FBXO42: variants seen among roughly 807,000 people sequenced by gnomAD.
The protein encoded by FBXO42 is F-box only protein 42.
A neutral mutation model predicts 71.7 loss-of-function variants in FBXO42; 12 were observed. That is an observed-to-expected ratio of 0.17 (90% CI 0.11 to 0.27). FBXO42 has a LOEUF of 0.27. Ranked by LOEUF, FBXO42 falls within the 10% of genes least tolerant of loss-of-function variation. The pLI is 1.00. For synonymous variants in FBXO42, 325 were observed against 327.5 expected (o/e 0.99, Z 0.08); for missense variants, 707 against 911.9 (o/e 0.78, Z 2.89).
At chr1:16,307,545 A>G (rs2082264794) in intron 2 of FBXO42, among the ~76,000 whole-genome samples, 1 of 152,052 alleles carries the variant, frequency 6.6e-6, no homozygotes, top group Non-Finnish European at 1.5e-5. Context: ...AGACGAACAT[A>G]TAACAATGGA....
Position 16,251,623 on chromosome 1 carries a change from C to T in FBXO42, c.1201G>A (p.Ala401Thr), listed in dbSNP as rs2081592896. 1 of 1,614,098 alleles carries T rather than the reference C, an allele frequency of 6.2e-7. No individual in the cohort carries two copies. Among genetic ancestry groups the T allele is most frequent in the African/African-American group, 1.3e-5 (1 of 74,946 alleles). Reference protein sequence around the residue: ...SQSPVRSMDEAPCVNGRWGTL... With the variant: ...SQSPVRSMDETPCVNGRWGTL... ...CCCCAGCGGCCGTTAACACAAGGAG[C>T]TTCATCCATGCTTCTTACTGGAGAC... Residue 401 changes from alanine (A) to threonine (T), a missense_variant, in exon 10 of 10, where the codon GCT becomes ACT. Physicochemically the swap from Ala to Thr is moderately conservative, Grantham distance 58. Around this residue, in one of 5 missense-constraint regions of FBXO42, gnomAD observed 482 missense variants for 587.1 expected, o/e 0.82. Transcript: ENST00000375592. This position sits in a 1 kb window ranked among gnomAD's most constrained non-coding sequence, Gnocchi z 4.5.
intron 1 of FBXO42, among the ~76,000 whole-genome samples, chr1:16,337,791 G>A (rs1229682922): frequency 7.1e-6 from 1 of 141,144 alleles, no homozygotes; most frequent in Non-Finnish European, 1.5e-5. Flanking sequence ...GGCTGAGGCA[G>A]AAGAATTGCT....
chr1:16,327,356 C>T (rs567097136), intron 1 of FBXO42, among the ~76,000 whole-genome samples: 5 of 152,174 alleles, frequency 3.3e-5, no homozygotes, highest in Admixed American at 1.3e-4. Context: ...TCTTCACTGA[C>T]GAATTAACTG....
intron 2 of FBXO42, among the ~76,000 whole-genome samples, chr1:16,308,169 T>TG (rs1412717497): frequency 1.3e-5 from 2 of 151,912 alleles, no homozygotes; most frequent in African/African-American, 4.8e-5. Context: ...TTAATAGAGG[T>TG]GGGGTCTCAC....
intron 1 of FBXO42, among the ~76,000 whole-genome samples, chr1:16,335,063 C>CAAAAAAAAAAAAAAAA (rs55983316): frequency 2.9e-5 from 2 of 68,990 alleles, no homozygotes; most frequent in Non-Finnish European, 5.1e-5. Flanking sequence ...CTCGTCTGTA[C>CAAAAAAAAAAAAAAAA]AAAAAAAAAA....
chr1:16,306,150 T>C (rs1267719658), intron 2 of FBXO42, among the ~76,000 whole-genome samples: 2 of 151,948 alleles, frequency 1.3e-5, no homozygotes, highest in African/African-American at 4.8e-5. Context: ...GCCTCCCGAG[T>C]AGCTGGGATT....
intron 4 of FBXO42, among the ~76,000 whole-genome samples, chr1:16,263,380 T>C (rs984530030): frequency 2.0e-5 from 3 of 151,838 alleles, no homozygotes; most frequent in Non-Finnish European, 2.9e-5. Flanking sequence ...CCCGCCAAGC[T>C]TGCATTGAGC....
intron 1 of FBXO42, among the ~76,000 whole-genome samples, chr1:16,344,975 T>C (rs904748735): frequency 1.3e-5 from 2 of 151,150 alleles, no homozygotes; most frequent in Admixed American, 6.6e-5. Context: ...GGTGGGCACC[T>C]GTAATCCTAG....
chr1:16,253,724 C>G lies in FBXO42; in HGVS notation c.775G>C (p.Asp259His). ...TGCTCAAGGTCAAGGACCCAGACAT[C>G]ATTGCTCCTGTGAATTAAGGACAGA... ...GSLGSRQMSN[D>H]VWVLDLEQWA... The change falls in exon 7 of 10, where the codon GAT becomes CAT. Residue 259 changes from aspartate to histidine, a missense_variant. Asp to His is a moderately conservative substitution (Grantham distance 81). This residue lies in a region of FBXO42 where 482 missense variants were observed against 587.1 expected (regional missense o/e 0.82). Transcript: ENST00000375592. The G allele has an allele frequency of 6.2e-7, 1 of 1,614,180 alleles. No homozygotes were observed. The highest frequency in any genetic ancestry group is 2.2e-5 in the East Asian group (1 of 44,892).
In FBXO42 at chr1:16,251,470, C is replaced by T. The variant is rs2081591188; in HGVS notation, c.1354G>A (p.Gly452Ser). 6.2e-7 allele frequency: 1 copy of T among 1,613,950 alleles called. No individual in the cohort carries two copies. The highest frequency in any genetic ancestry group is 1.3e-5 in the African/African-American group (1 of 74,908). The change falls in exon 10 of 10, where the codon GGT becomes AGT. Residue 452 changes from glycine to serine, a missense_variant. By Grantham distance (56) the Gly-to-Ser change is moderately conservative. Around this residue, in one of 5 missense-constraint regions of FBXO42, gnomAD observed 482 missense variants for 587.1 expected, o/e 0.82. Transcript: ENST00000375592. This position sits in a 1 kb window ranked among gnomAD's most constrained non-coding sequence, Gnocchi z 4.5. Reference protein sequence around the residue: ...GSLSPGTAAVGGSSLDSPVQA... With the variant: ...GSLSPGTAAVSGSSLDSPVQA... ...ACAGGACTGTCCAAAGAAGAGCCAC[C>T]CACAGCTGCCGTTCCTGGAGACAAA...
chr1:16,260,200 A>G lies in FBXO42; in HGVS notation c.503-3441T>C, dbSNP rs145209832. Among the ~76,000 whole-genome samples the G allele has an allele frequency of 2.1e-3, 302 of 142,496 alleles. 7 individuals are homozygous for G. The East Asian group carries it at 0.062, about 29-fold the overall frequency. The allele number at this position is 142,496 out of a possible 152,430, so 93.5% of individuals were successfully genotyped here. ...TATTGAGCATCTACATCTATTATGTACTATGCAGCTTTTTTTTTTTTTTTT... is the reference window on the plus strand; with the variant it reads ...TATTGAGCATCTACATCTATTATGTGCTATGCAGCTTTTTTTTTTTTTTTT... On this transcript the variant is annotated intron_variant, in intron 4 of 9. Coordinates refer to ENST00000375592, the MANE Select transcript of FBXO42 (RefSeq NM_018994.3).
At chr1:16,323,497 C>T (rs1013000284) in intron 1 of FBXO42, among the ~76,000 whole-genome samples, 1 of 147,008 alleles carries the variant, frequency 6.8e-6, no homozygotes, top group South Asian at 2.2e-4. Flanking sequence ...TGAGACCTAA[C>T]TAAAGAATAA....
In FBXO42 at chr1:16,251,710, G is replaced by A; in HGVS notation, c.1114C>T (p.Pro372Ser). Reference protein sequence around the residue: ...APLSPSLNSRPSPISATPPAL... With the variant: ...APLSPSLNSRSSPISATPPAL... ...GGAGGAGTGGCACTGATAGGTGATGGGCGAGAGTTCAAACTGGGGCTGAGT... is the reference window on the plus strand; with the variant it reads ...GGAGGAGTGGCACTGATAGGTGATGAGCGAGAGTTCAAACTGGGGCTGAGT... The change falls in exon 10 of 10, where the codon CCA becomes TCA. Residue 372 changes from proline (P) to serine (S), a missense_variant. Pro to Ser is a moderately conservative substitution (Grantham distance 74, BLOSUM62 -1). Transcript: ENST00000375592. This position sits in a 1 kb window ranked among gnomAD's most constrained non-coding sequence, Gnocchi z 4.5. 1 of 1,614,190 alleles carries A rather than the reference G, an allele frequency of 6.2e-7. No individual in the cohort carries two copies.
chr1:16,268,020 CTTG>C (rs1413954269), intron 4 of FBXO42, among the ~76,000 whole-genome samples: 2 of 151,522 alleles, frequency 1.3e-5, no homozygotes, highest in African/African-American at 4.9e-5. Context: ...GTAATAGTTC[CTTG>C]TTACCATTTC....
Position 16,251,864 on chromosome 1 carries a change from C to T in FBXO42, c.1039-79G>A. 6.6e-7 allele frequency: 1 copy of T among 1,505,560 alleles called. No individual in the cohort carries two copies. The highest frequency in any genetic ancestry group is 8.9e-7 in the Non-Finnish European group (1 of 1,118,422). The allele number at this position is 1,505,560 out of a possible 1,614,324, so 93.3% of individuals were successfully genotyped here. A position where few individuals can be genotyped will look rare whatever the true frequency, so the allele number is the denominator to read the frequency against. On this transcript the variant is annotated intron_variant, in intron 9 of 9. Coordinates refer to ENST00000375592, the MANE Select transcript of FBXO42 (RefSeq NM_018994.3). The surrounding 1 kb of genome is among the most constrained non-coding windows in gnomAD (Gnocchi z 4.5). The stretch of plus-strand genomic sequence containing the variant: ...CAACTGTCAAACATTTTATCATGAG[C>T]ATCTGTCATGTGCCAGACATTTTGT...
At position 16,313,328 on chromosome 1, in the gene FBXO42, G is replaced by C. The variant is rs199656455; in HGVS notation, c.250+1841C>G. On this transcript the variant is annotated intron_variant, in intron 2 of 9. Coordinates refer to ENST00000375592, the MANE Select transcript of FBXO42 (RefSeq NM_018994.3). Reference sequence around the variant, plus strand: ...AGAAAGAAAGAGAAAAGAAAACAAAGAAAGAAAGAAAGAAAGAAAGAAAGA... The same window carrying C: ...AGAAAGAAAGAGAAAAGAAAACAAACAAAGAAAGAAAGAAAGAAAGAAAGA... 4.0e-4 allele frequency among the ~76,000 whole-genome samples: 7 copies of C among 17,340 alleles called. No homozygotes were observed. The East Asian group carries it at 8.0e-3, about 20-fold the overall frequency. 11.4% of individuals were successfully genotyped at this position (17,340 alleles called of 152,430 possible).
In FBXO42 at chr1:16,247,231, G is replaced by C. The variant is rs1195558839; in HGVS notation, c.*3439C>G. 5 of 152,350 alleles carry C rather than the reference G, an allele frequency of 3.3e-5. No homozygotes were observed. The highest frequency in any genetic ancestry group is 1.2e-4 in the African/African-American group (5 of 41,564). 9.4% of individuals were successfully genotyped at this position (152,350 alleles called of 1,614,324 possible). On this transcript the variant is annotated 3_prime_UTR_variant, in exon 10 of 10. Coordinates refer to ENST00000375592, the MANE Select transcript of FBXO42 (RefSeq NM_018994.3). The stretch of plus-strand genomic sequence containing the variant: ...TGCAGTTCATGGAGAGGCTACATGG[G>C]ACGCAGGCCTGGAAATTCAGCTTCC...
intron 3 of FBXO42, among the ~76,000 whole-genome samples, chr1:16,295,613 G>A (rs189807280): frequency 2.6e-5 from 4 of 151,960 alleles, no homozygotes; most frequent in South Asian, 2.1e-4. Flanking sequence ...GGCTAATCTC[G>A]AACTCCTGAC....
At chr1:16,277,157 T>G (rs1298119258) in intron 4 of FBXO42, among the ~76,000 whole-genome samples, 1 of 152,192 alleles carries the variant, frequency 6.6e-6, no homozygotes, top group African/African-American at 2.4e-5. Flanking sequence ...TAAGACAGAA[T>G]AGAAGCTAGG....
Sources: gnomAD v4.1 joint callset for allele counts (sites outside exome capture counted in the v4.1 genomes callset) on GRCh38, gnomAD v4.1.1 for gene constraint, gnomAD v4.1.1 regional missense constraint, Gnocchi (gnomAD v3.1) non-coding constraint, MANE v1.5 for transcripts, NCBI Gene and HGNC (gene_info 2026-07-23, HGNC 2026-07-21) for gene names.